The following SPTBN4 variants were observed in gnomAD, a reference collection of about 807,000 sequenced individuals.
SPTBN4 encodes the protein spectrin beta, non-erythrocytic 4.
A neutral mutation model predicts 277.8 loss-of-function variants in SPTBN4; 96 were observed. That is an observed-to-expected ratio of 0.35 (90% CI 0.29 to 0.41). The LOEUF (loss-of-function observed/expected upper bound fraction) is 0.41. SPTBN4 is among the 10% of genes least tolerant of loss of function. The pLI, the probability that SPTBN4 is intolerant of heterozygous loss-of-function variation, is 1.00. For missense variants in SPTBN4, 3,006 were observed against 3,595.7 expected, an observed-to-expected ratio of 0.84 and a Z score of 4.19; for synonymous variants, 1,481 against 1,580.3, an observed-to-expected ratio of 0.94 and a Z score of 1.49.
chr19:40,516,471 T>TA (rs1296890419), intron 15 of SPTBN4, among the ~76,000 whole-genome samples: 2 of 151,814 alleles, frequency 1.3e-5, no homozygotes, highest in Non-Finnish European at 1.5e-5. Flanking sequence ...CCCAGCTAAT[T>TA]AAAAAAAATT....
Position 40,556,072 on chromosome 19 carries a change from G to A in SPTBN4, c.5085-12G>A. On this transcript the variant is annotated splice_polypyrimidine_tract_variant and intron_variant, in intron 24 of 35. Transcript: ENST00000598249. ...CAGGGGTCCATCCCTGCCCCTCCAT[G>A]TCCCCCTTCAGCGAGCAGATCAGCC... The A allele has an allele frequency of 6.2e-7, 1 of 1,606,136 alleles. No individual in the cohort carries two copies. The highest frequency in any genetic ancestry group is 8.5e-7 in the Non-Finnish European group (1 of 1,176,238).
chr19:40,502,645 C>T lies in SPTBN4; in HGVS notation c.1204-130C>T. On this transcript the variant is annotated intron_variant, in intron 10 of 35. Coordinates refer to ENST00000598249, the MANE Select transcript of SPTBN4 (RefSeq NM_020971.3). This position sits in a 1 kb window ranked among gnomAD's most constrained non-coding sequence, Gnocchi z 4.9. ...TGACAGTTTTTCAGTAGTAAAGTGT[C>T]ATAAGGAAGCAATATTTTTTCCAAT... 6.8e-7 allele frequency: 1 copy of T among 1,463,820 alleles called. No homozygotes were observed. The highest frequency in any genetic ancestry group is 2.1e-5 in the Admixed American group (1 of 46,772). The allele number at this position is 1,463,820 out of a possible 1,614,324, so 90.7% of individuals were successfully genotyped here. A position where few individuals can be genotyped will look rare whatever the true frequency, so the allele number is the denominator to read the frequency against.
chr19:40,572,575 G>C lies in SPTBN4; in HGVS notation c.7536+195G>C, dbSNP rs779569699. ...CAGTGGGGAGTGGGAAGGGCTTCAG[G>C]GAGGGCTGCCTGCAGATCCTGATGA... is the stretch of plus-strand genomic sequence containing the variant. On this transcript the variant is annotated intron_variant, in intron 35 of 35. Coordinates refer to ENST00000598249, the MANE Select transcript of SPTBN4 (RefSeq NM_020971.3). 247 of 626,806 alleles carry C rather than the reference G, an allele frequency of 3.9e-4. 3 individuals carry two copies. The highest frequency in any genetic ancestry group is 8.1e-5 in the Non-Finnish European group (29 of 358,588). 38.8% of individuals were successfully genotyped at this position (626,806 alleles called of 1,614,324 possible). A position where few individuals can be genotyped will look rare whatever the true frequency, so the allele number is the denominator to read the frequency against.
chr19:40,513,015 A>G lies in SPTBN4; in HGVS notation c.2226A>G (p.Val742=). 1.4e-6 allele frequency: 2 copies of G among 1,430,536 alleles called. No individual in the cohort carries two copies. The highest frequency in any genetic ancestry group is 1.8e-6 in the Non-Finnish European group (2 of 1,099,188). 88.6% of individuals were successfully genotyped at this position (1,430,536 alleles called of 1,614,324 possible). Residue 742 remains valine, a synonymous_variant, in exon 14 of 36, where the codon GTA becomes GTG. Coordinates refer to ENST00000598249, the MANE Select transcript of SPTBN4 (RefSeq NM_020971.3). ...VGPGADTVHL[V]GLAERAASAR... The stretch of plus-strand genomic sequence containing the variant: ...CGGGAGCAGACACCGTGCACCTGGT[A>G]GGCCTGGCGGAGCGCGCGGCGAGCG...
chr19:40,489,833 A>AG (rs1282540351), intron 3 of SPTBN4, among the ~76,000 whole-genome samples: 5 of 152,226 alleles, frequency 3.3e-5, no homozygotes, highest in African/African-American at 1.2e-4. Context: ...GGGCAGAGCC[A>AG]GGGACGTGAA....
At chr19:40,571,897 AACTAGGGCGCAAAGGTCCAGAG>A in intron 33 of SPTBN4, 100 bp from the exon 34 acceptor site, 1 of 1,202,882 alleles carries the variant, frequency 8.3e-7, no homozygotes, top group Non-Finnish European at 1.1e-6. Context: ...ACTAGGGCGC[AACTAGGGCGCAAAGGTCCAGAG>A]GTAGGAAGGC....
intron 17 of SPTBN4, among the ~76,000 whole-genome samples, chr19:40,527,408 A>T (rs56266631): frequency 0.17 from 25,471 of 152,146 alleles, 2,273 homozygotes; most frequent in Non-Finnish European, 0.21. Context: ...AACAAAACAG[A>T]CAAAAATCCC....
chr19:40,475,661 C>CA (rs1210272568), intron 2 of SPTBN4, among the ~76,000 whole-genome samples: 1 of 150,210 alleles, frequency 6.7e-6, no homozygotes, highest in Non-Finnish European at 1.5e-5. Flanking sequence ...GGGGTTTCAC[C>CA]ATGATGGCCA....
chr19:40,524,458 G>T, intron 17 of SPTBN4: 1 of 370,080 alleles, frequency 2.7e-6, no homozygotes, highest in South Asian at 2.1e-5. Context: ...AATGAACTGT[G>T]ATCATATCAC....
chr19:40,547,671 C>T (rs1307032598), intron 20 of SPTBN4, among the ~76,000 whole-genome samples: 1 of 152,182 alleles, frequency 6.6e-6, no homozygotes, highest in Non-Finnish European at 1.5e-5. Flanking sequence ...TCCTGTTTCT[C>T]CACATCCTCT....
In SPTBN4 at chr19:40,502,027, C is replaced by A. The variant is rs138938903; in HGVS notation, c.891C>A (p.Ile297=). The A allele has an allele frequency of 7.4e-6, 12 of 1,614,080 alleles. No individual in the cohort carries two copies. The highest frequency in any genetic ancestry group is 1.0e-5 in the Non-Finnish European group (12 of 1,180,022). ...CTCTGGCTGTGGAGGGGAAGCGTATCGGGAAGGTATAAGGAGCCAAGGAGT... is the reference window on the plus strand; with the variant it reads ...CTCTGGCTGTGGAGGGGAAGCGTATAGGGAAGGTATAAGGAGCCAAGGAGT... ...MKALAVEGKR[I]GKVLDQVLEV... Residue 297 remains isoleucine, a synonymous_variant, in exon 8 of 36, where the codon ATC becomes ATA. Coordinates refer to ENST00000598249, the MANE Select transcript of SPTBN4 (RefSeq NM_020971.3). This position sits in a 1 kb window ranked among gnomAD's most constrained non-coding sequence, Gnocchi z 4.9.
intron 20 of SPTBN4, among the ~76,000 whole-genome samples, chr19:40,539,725 C>A (rs1377055245): frequency 6.6e-6 from 1 of 151,830 alleles, no homozygotes; most frequent in Non-Finnish European, 1.5e-5. Flanking sequence ...AGTGATCCAC[C>A]CACCTCCGCC....
At chr19:40,467,592 C>T (rs1007350074) in intron 1 of SPTBN4, among the ~76,000 whole-genome samples, 2 of 151,442 alleles carry the variant, frequency 1.3e-5, no homozygotes, top group African/African-American at 4.9e-5. Flanking sequence ...GCCTCTGATG[C>T]CACCGCAGCC....
intron 33 of SPTBN4, chr19:40,571,509 T>A (rs2081155998): frequency 6.6e-6 from 1 of 152,652 alleles, no homozygotes; most frequent in Admixed American, 6.5e-5. Context: ...CAGGACAGAT[T>A]CAGATTTTGC....
At chr19:40,474,817 G>A (rs555846927) in intron 2 of SPTBN4, among the ~76,000 whole-genome samples, 3 of 152,058 alleles carry the variant, frequency 2.0e-5, no homozygotes, top group South Asian at 2.1e-4. Flanking sequence ...ACTTGAACCC[G>A]GGAGATGGGG....
chr19:40,535,116 C>T (rs1032068843), intron 20 of SPTBN4, among the ~76,000 whole-genome samples: 1 of 152,150 alleles, frequency 6.6e-6, no homozygotes, highest in Non-Finnish European at 1.5e-5. Context: ...AGTACAGTGG[C>T]TTGATCTCAG....
chr19:40,530,496 A>T, intron 18 of SPTBN4: 1 of 978,814 alleles, frequency 1.0e-6, no homozygotes, highest in Non-Finnish European at 1.2e-6. Context: ...CCGGAGCCTC[A>T]GCCTTCGCCG....
Position 40,556,107 on chromosome 19 carries a change from C to T in SPTBN4, c.5108C>T (p.Ser1703Phe), listed in dbSNP as rs768333504. 6.2e-7 allele frequency: 1 copy of T among 1,611,962 alleles called. No homozygotes were observed. The highest frequency in any genetic ancestry group is 1.1e-5 in the South Asian group (1 of 90,952). ...PDSEQISRRQSQVDRLYVALK... is the reference protein window; with the variant it reads ...PDSEQISRRQFQVDRLYVALK... ...AGCGAGCAGATCAGCCGGCGGCAGT[C>T]TCAGGTGGACCGCCTGTACGTGGCG... The change falls in exon 25 of 36, where the codon TCT (serine) becomes TTT (phenylalanine). Residue 1703 changes from serine to phenylalanine, a missense_variant. By Grantham distance (155) the Ser-to-Phe change is radical (BLOSUM62 -2). Transcript: ENST00000598249.
intron 21 of SPTBN4, among the ~76,000 whole-genome samples, chr19:40,549,861 T>C (rs1344511236): frequency 1.3e-5 from 2 of 152,162 alleles, no homozygotes; most frequent in Non-Finnish European, 2.9e-5. Flanking sequence ...AAAACAGACT[T>C]GTCCCCAGAC....
Sources: allele counts gnomAD v4.1 joint callset (sites outside exome capture counted in the v4.1 genomes callset), GRCh38; gene constraint gnomAD v4.1.1; non-coding constraint Gnocchi (gnomAD v3.1); transcripts MANE v1.5; gene names NCBI Gene and HGNC (gene_info 2026-07-23, HGNC 2026-07-21).